The following TDRD3 variants were observed in gnomAD, a reference collection of about 807,000 sequenced individuals.
TDRD3 encodes the protein tudor domain-containing protein 3.
TDRD3 carries 45 observed loss-of-function variants against 86.7 expected under a neutral mutation model. That is an observed-to-expected ratio of 0.52 (90% CI 0.41 to 0.67). TDRD3 has a LOEUF of 0.67. Among genes scored for constraint, TDRD3 ranks in the 30% least tolerant of loss-of-function variants. The pLI is 0.00. For synonymous variants in TDRD3, 298 were observed against 301.7 expected (o/e 0.99, Z 0.13); for missense variants, 814 against 889.0 (o/e 0.92, Z 1.07).
At chr13:60,513,533 G>A (rs530157066) in intron 10 of TDRD3, among the ~76,000 whole-genome samples, 2 of 152,166 alleles carry the variant, frequency 1.3e-5, no homozygotes. Flanking sequence ...TCATGATTTA[G>A]GAGACACTAT....
At chr13:60,433,892 A>G (rs562991310) in intron 1 of TDRD3, among the ~76,000 whole-genome samples, 1 of 152,322 alleles carries the variant, frequency 6.6e-6, no homozygotes, top group South Asian at 2.1e-4. Flanking sequence ...AAAGAAATGG[A>G]TCAAAAGAAA....
chr13:60,558,671 A>T (rs1566304267), intron 12 of TDRD3, among the ~76,000 whole-genome samples: 1 of 152,048 alleles, frequency 6.6e-6, no homozygotes, highest in Non-Finnish European at 1.5e-5. Flanking sequence ...AAATACTCAG[A>T]CTTTATAGCG....
At chr13:60,494,367 G>A in intron 7 of TDRD3, 68 bp from the exon 8 acceptor site, 1 of 1,417,778 alleles carries the variant, frequency 7.1e-7, no homozygotes, top group Non-Finnish European at 9.3e-7. Context: ...TTTAGTCATA[G>A]CTTAGTTTTT....
intron 12 of TDRD3, among the ~76,000 whole-genome samples, chr13:60,546,511 T>C (rs915310255): frequency 6.6e-6 from 1 of 152,056 alleles, no homozygotes; most frequent in Admixed American, 6.6e-5. Context: ...AAAATATATA[T>C]CTCAAGGTGG....
At position 60,509,822 on chromosome 13, in the gene TDRD3, G is replaced by A. The variant is rs368325280; in HGVS notation, c.918G>A (p.Arg306=). ...TEMGFSKEAS[R]QALMDNGNNL... ...TGGGCTTCAGTAAGGAAGCATCGAGGCAAGCTCTTATGGATAATGGCAACA... is the reference window on the plus strand; with the variant it reads ...TGGGCTTCAGTAAGGAAGCATCGAGACAAGCTCTTATGGATAATGGCAACA... Residue 306 remains arginine, a synonymous_variant, in exon 9 of 14, where the codon AGG becomes AGA. Transcript: ENST00000377881. 7.4e-5 allele frequency: 120 copies of A among 1,613,756 alleles called. No homozygotes were observed. The highest frequency in any genetic ancestry group is 6.6e-4 in the Middle Eastern group (4 of 6,084).
At chr13:60,507,056 C>T (rs1956954278) in intron 8 of TDRD3, among the ~76,000 whole-genome samples, 1 of 152,050 alleles carries the variant, frequency 6.6e-6, no homozygotes, top group East Asian at 1.9e-4. Context: ...GGTTGCAATC[C>T]TAGTGTCTGA....
chr13:60,468,585 G>GTAGA (rs1354762160), intron 5 of TDRD3, among the ~76,000 whole-genome samples: 4 of 152,130 alleles, frequency 2.6e-5, no homozygotes, highest in Non-Finnish European at 5.9e-5. Flanking sequence ...TGAACAATGT[G>GTAGA]TAGATACTGT....
chr13:60,502,088 C>T (rs1956847320), intron 8 of TDRD3, among the ~76,000 whole-genome samples: 1 of 152,134 alleles, frequency 6.6e-6, no homozygotes, highest in African/African-American at 2.4e-5. Flanking sequence ...ATTTTACTTG[C>T]TAAGATACAG....
intron 1 of TDRD3, among the ~76,000 whole-genome samples, chr13:60,406,875 A>C (rs1016783361): frequency 4.6e-5 from 7 of 152,186 alleles, no homozygotes; most frequent in Non-Finnish European, 1.0e-4. Flanking sequence ...AATACAAATA[A>C]AATTTAGCTG....
chr13:60,544,246 G>T (rs1005739902), intron 12 of TDRD3, among the ~76,000 whole-genome samples: 2 of 151,488 alleles, frequency 1.3e-5, no homozygotes, highest in African/African-American at 4.8e-5. Flanking sequence ...ACCAGCTTGG[G>T]CAAACATAGC....
At chr13:60,440,864 A>T (rs1041270647) in intron 2 of TDRD3, among the ~76,000 whole-genome samples, 8 of 152,214 alleles carry the variant, frequency 5.3e-5, no homozygotes, top group Non-Finnish European at 1.0e-4. Context: ...AAATCAATGT[A>T]AAGCAGAAAT....
chr13:60,398,450 A>G (rs770990187), intron 1 of TDRD3, among the ~76,000 whole-genome samples: 2 of 152,234 alleles, frequency 1.3e-5, no homozygotes, highest in Non-Finnish European at 2.9e-5. Flanking sequence ...GCTGGAGATG[A>G]CACAGGGAAG....
chr13:60,511,923 A>G (rs1388215437), intron 10 of TDRD3, among the ~76,000 whole-genome samples: 2 of 152,060 alleles, frequency 1.3e-5, no homozygotes, highest in African/African-American at 2.4e-5. Context: ...CTCTGACTTA[A>G]TGAGTACTTT....
chr13:60,548,171 A>C (rs1239866012), intron 12 of TDRD3, among the ~76,000 whole-genome samples: 1 of 152,194 alleles, frequency 6.6e-6, no homozygotes, highest in Non-Finnish European at 1.5e-5. Flanking sequence ...TTTGGTGGCT[A>C]TTTGTTTGGT....
intron 12 of TDRD3, among the ~76,000 whole-genome samples, chr13:60,562,556 A>G (rs1011558144): frequency 2.6e-5 from 4 of 152,174 alleles, no homozygotes; most frequent in African/African-American, 9.7e-5. Context: ...TAAACACCTC[A>G]GGCAAAAGGT....
chr13:60,474,056 C>G (rs1170712135), intron 5 of TDRD3, among the ~76,000 whole-genome samples: 1 of 152,204 alleles, frequency 6.6e-6, no homozygotes, highest in Non-Finnish European at 1.5e-5. Context: ...TCAGTGGTCA[C>G]GCTCCTGATC....
At chr13:60,563,005 G>T (rs1349700215) in intron 12 of TDRD3, among the ~76,000 whole-genome samples, 6 of 151,928 alleles carry the variant, frequency 3.9e-5, no homozygotes, top group Non-Finnish European at 8.8e-5. Flanking sequence ...AAGGTGGGTG[G>T]ATCACCTGAG....
intron 12 of TDRD3, among the ~76,000 whole-genome samples, chr13:60,546,533 T>G (rs1957943819): frequency 6.6e-6 from 1 of 152,120 alleles, no homozygotes; most frequent in South Asian, 2.1e-4. Flanking sequence ...GATGATACAC[T>G]TTCCTATTTA....
At chr13:60,552,804 G>A (rs527658803) in intron 12 of TDRD3, among the ~76,000 whole-genome samples, 40 of 152,334 alleles carry the variant, frequency 2.6e-4, no homozygotes, top group East Asian at 1.9e-3. Flanking sequence ...CGTGGAAGCC[G>A]CTAAGGCTTG....
Sources: gnomAD v4.1 joint callset for allele counts (sites outside exome capture counted in the v4.1 genomes callset) on GRCh38, gnomAD v4.1.1 for gene constraint, MANE v1.5 for transcripts, NCBI Gene and HGNC (gene_info 2026-07-23, HGNC 2026-07-21) for gene names.